BNC2: variants seen among roughly 807,000 people sequenced by gnomAD.
BNC2 encodes the protein basonuclin zinc finger protein 2.
In BNC2, 20 loss-of-function variants were observed where a neutral mutation model predicts 76.3. The ratio of observed to expected loss-of-function variants is 0.26; its 90% CI spans 0.18 to 0.38. BNC2 has a LOEUF of 0.38. Among genes scored for constraint, BNC2 ranks in the 10% least tolerant of loss-of-function variants. The probability of loss-of-function intolerance (pLI) is 1.00; values close to 1 mark genes in which losing one functional copy is unlikely to be tolerated. For synonymous variants in BNC2, 582 were observed against 514.8 expected (o/e 1.13, Z -1.77); for missense variants, 1,382 against 1,399.8 (o/e 0.99, Z 0.20).
chr9:16,822,193 G>A (rs7044683), intron 1 of BNC2, among the ~76,000 whole-genome samples: 4,785 of 151,944 alleles, frequency 0.031, 258 homozygotes, highest in African/African-American at 0.11. Context: ...GAGCCTGGGA[G>A]GCGCAGGCTG....
chr9:16,665,477 A>AGAAAGAAAGAAG (rs1822261166), intron 3 of BNC2, among the ~76,000 whole-genome samples: 1 of 143,824 alleles, frequency 7.0e-6, no homozygotes, highest in Admixed American at 6.8e-5. Flanking sequence ...AAAGAAAGAA[A>AGAAAGAAAGAAG]GAAAGAAAGA....
At chr9:16,738,692 C>A (rs891506452) in intron 1 of BNC2, among the ~76,000 whole-genome samples, 1 of 152,092 alleles carries the variant, frequency 6.6e-6, no homozygotes, top group African/African-American at 2.4e-5. Context: ...GTGGGAATAA[C>A]TGAATAATTT....
intron 3 of BNC2, among the ~76,000 whole-genome samples, chr9:16,672,384 C>G (rs1428629052): frequency 1.3e-5 from 2 of 152,096 alleles, no homozygotes; most frequent in Non-Finnish European, 2.9e-5. Context: ...GTAGCCCCAG[C>G]TACTCAGGAG....
chr9:16,610,897 C>G (rs7019016), intron 3 of BNC2, among the ~76,000 whole-genome samples: 137,868 of 152,228 alleles, frequency 0.91, 62,743 homozygotes, highest in East Asian at 0.98. Flanking sequence ...GTAGCTGTCA[C>G]TTAGGCTGCC....
At chr9:16,754,952 T>C (rs1336765462) in intron 1 of BNC2, among the ~76,000 whole-genome samples, 1 of 152,156 alleles carries the variant, frequency 6.6e-6, no homozygotes, top group Non-Finnish European at 1.5e-5. Context: ...CAGTCAGCTA[T>C]TTCTTCCCAA....
In BNC2 at chr9:16,800,069, A is replaced by G. The variant is rs374963831; in HGVS notation, c.4-61584T>C. On this transcript the variant is annotated intron_variant, in intron 1 of 6. Coordinates refer to ENST00000380672, the MANE Select transcript of BNC2 (RefSeq NM_017637.6). ...GGGAAACCCCATCTCTACTAAAAAT[A>G]CAAAAATTAGCCAGGCATGGTAGCA... Among the ~76,000 whole-genome samples, 535 of 152,182 alleles carry G rather than the reference A, an allele frequency of 3.5e-3. 3 individuals are homozygous for G. The highest frequency in any genetic ancestry group is 0.011 in the African/African-American group (474 of 41,528).
intron 1 of BNC2, among the ~76,000 whole-genome samples, chr9:16,772,466 T>C (rs1055898702): frequency 2.6e-5 from 4 of 152,146 alleles, no homozygotes; most frequent in African/African-American, 7.2e-5. Flanking sequence ...GAAAATCCAA[T>C]AGCTTAAGTC....
chr9:16,431,414 G>C (rs1168877050), intron 6 of BNC2: 1 of 461,782 alleles, frequency 2.2e-6, no homozygotes, highest in Non-Finnish European at 4.5e-6. Flanking sequence ...AGCTAATTCT[G>C]ACTATCACGC....
At chr9:16,452,550 T>C (rs1486679172) in intron 5 of BNC2, among the ~76,000 whole-genome samples, 2 of 152,118 alleles carry the variant, frequency 1.3e-5, no homozygotes, top group African/African-American at 2.4e-5. Context: ...GCTGGGATTA[T>C]AGACGCCTGC....
At chr9:16,741,671 C>A (rs1824853568) in intron 1 of BNC2, among the ~76,000 whole-genome samples, 1 of 151,984 alleles carries the variant, frequency 6.6e-6, no homozygotes, top group Non-Finnish European at 1.5e-5. Flanking sequence ...CTAAAACATG[C>A]ACCATGACAG....
chr9:16,798,101 A>G (rs1045969988), intron 1 of BNC2, among the ~76,000 whole-genome samples: 4 of 152,202 alleles, frequency 2.6e-5, no homozygotes, highest in Admixed American at 6.5e-5. Context: ...GTGTGAAGGA[A>G]AAGTTGGTTG....
chr9:16,697,162 C>A (rs1035621836), intron 3 of BNC2, among the ~76,000 whole-genome samples: 1 of 149,330 alleles, frequency 6.7e-6, no homozygotes, highest in African/African-American at 2.5e-5. Flanking sequence ...ATTTCGAGAC[C>A]AGCCTAGCTA....
At chr9:16,793,828 T>C (rs900328275) in intron 1 of BNC2, among the ~76,000 whole-genome samples, 2 of 150,218 alleles carry the variant, frequency 1.3e-5, no homozygotes, top group Non-Finnish European at 3.0e-5. Flanking sequence ...CCCGCCACCA[T>C]GCCCAGCTAG....
At chr9:16,870,582 G>A (rs561174986) in intron 1 of BNC2, 64 bp downstream of exon 1, 6 of 1,589,820 alleles carry the variant, frequency 3.8e-6, no homozygotes, top group Admixed American at 3.4e-5. Context: ...GGTGGCGCTC[G>A]GGCGCGGGGG....
intron 5 of BNC2, among the ~76,000 whole-genome samples, chr9:16,500,464 A>C (rs1587102294): frequency 6.6e-6 from 1 of 152,332 alleles, no homozygotes; most frequent in East Asian, 1.9e-4. Flanking sequence ...AGGGTTCCAA[A>C]CCCAAAACAC....
chr9:16,645,772 T>C (rs1182557837), intron 3 of BNC2, among the ~76,000 whole-genome samples: 1 of 152,222 alleles, frequency 6.6e-6, no homozygotes, highest in African/African-American at 2.4e-5. Context: ...AATGGTTAAA[T>C]AGTTTAATAA....
At chr9:16,514,544 A>C (rs996616558) in intron 5 of BNC2, among the ~76,000 whole-genome samples, 1 of 152,164 alleles carries the variant, frequency 6.6e-6, no homozygotes, top group Non-Finnish European at 1.5e-5. Context: ...GGTTCTGAAA[A>C]AGCAGCTCTG....
At chr9:16,816,987 A>G (rs1818199856) in intron 1 of BNC2, among the ~76,000 whole-genome samples, 1 of 152,246 alleles carries the variant, frequency 6.6e-6, no homozygotes, top group Admixed American at 6.5e-5. Context: ...CTCTCCAGCA[A>G]CTGACAAAGA....
intron 3 of BNC2, among the ~76,000 whole-genome samples, chr9:16,600,223 G>C (rs1820208437): frequency 1.3e-5 from 2 of 152,148 alleles, no homozygotes; most frequent in Non-Finnish European, 2.9e-5. Context: ...TTCTACTTGA[G>C]TGAATCATAA....
Sources: allele counts gnomAD v4.1 joint callset (sites outside exome capture counted in the v4.1 genomes callset), GRCh38; gene constraint gnomAD v4.1.1; transcripts MANE v1.5; gene names NCBI Gene and HGNC (gene_info 2026-07-23, HGNC 2026-07-21).